The following C13orf46 variants were observed in gnomAD, a reference collection of about 807,000 sequenced individuals.
C13orf46 encodes uncharacterized protein C13orf46.
intron 6 of C13orf46, among the ~76,000 whole-genome samples, chr13:113,959,906 C>G (rs1172181904): frequency 3.3e-5 from 5 of 152,156 alleles, no homozygotes; most frequent in African/African-American, 9.7e-5. Context: ...GAAAAGAATT[C>G]TGTGTGTAAG....
chr13:113,952,997 C>T (rs2052495508), downstream of C13orf46, among the ~76,000 whole-genome samples: 1 of 152,338 alleles, frequency 6.6e-6, no homozygotes, highest in South Asian at 2.1e-4. Flanking sequence ...CTGCTCCCCA[C>T]AGTCTCCAAA....
rs1158505932 is a variant in C13orf46, at chr13:113,965,852, T to C, written c.505-858A>G. ...ATAATGGTGATGGTGATGATGGTGATGGTGGTGATGATGGTGATGGTGATG... is the reference window on the plus strand; with the variant it reads ...ATAATGGTGATGGTGATGATGGTGACGGTGGTGATGATGGTGATGGTGATG... On this transcript the variant is annotated intron_variant, in intron 5 of 6. Coordinates refer to ENST00000636427, the MANE Select transcript of C13orf46 (RefSeq NM_001365455.2). Among the ~76,000 whole-genome samples, 15 of 127,916 alleles carry C rather than the reference T, an allele frequency of 1.2e-4. 1 individual carries two copies. The highest frequency in any genetic ancestry group is 1.1e-3 in the Admixed American group (15 of 13,770). 83.9% of individuals were successfully genotyped at this position (127,916 alleles called of 152,430 possible).
intron 6 of C13orf46, among the ~76,000 whole-genome samples, chr13:113,959,441 G>C (rs951791704): frequency 6.6e-6 from 1 of 152,172 alleles, no homozygotes; most frequent in Non-Finnish European, 1.5e-5. Context: ...GGTTGAGCAG[G>C]TGCTTCCCCT....
chr13:113,932,107 G>A, the C13orf46 span, among the ~76,000 whole-genome samples: 1 of 152,194 alleles, frequency 6.6e-6, no homozygotes, highest in East Asian at 1.9e-4. Flanking sequence ...TCCTTTCAAT[G>A]CTGGGGAGCA....
At chr13:113,962,478 C>T (rs1297734808) in intron 6 of C13orf46, among the ~76,000 whole-genome samples, 1 of 152,232 alleles carries the variant, frequency 6.6e-6, no homozygotes, top group African/African-American at 2.4e-5. Context: ...TGAGCTGATG[C>T]CCATTCATTA....
At chr13:113,965,119 C>T (rs1369894750) in intron 5 of C13orf46, 125 bp from the exon 6 acceptor site, 5 of 152,194 alleles carry the variant, frequency 3.3e-5, no homozygotes, top group Admixed American at 3.3e-4. Context: ...TCAGACAGGG[C>T]TCTCTATTGA....
chr13:113,951,996 G>A (rs1402560171), downstream of C13orf46, among the ~76,000 whole-genome samples: 2 of 152,238 alleles, frequency 1.3e-5, no homozygotes, highest in Non-Finnish European at 2.9e-5. Context: ...ATGGTCCCGT[G>A]TGTGGGCATC....
downstream of C13orf46, among the ~76,000 whole-genome samples, chr13:113,951,437 G>T (rs1199762985): frequency 1.3e-5 from 2 of 152,166 alleles, no homozygotes; most frequent in Non-Finnish European, 2.9e-5. Context: ...CTTTGGCCTC[G>T]GCTCTGCCCG....
At chr13:113,940,448 C>T in the C13orf46 span, among the ~76,000 whole-genome samples, 28 of 151,348 alleles carry the variant, frequency 1.9e-4, no homozygotes, top group East Asian at 5.2e-3. Flanking sequence ...GCGTCTGGGA[C>T]CCTGGTCTCC....
chr13:113,973,364 CA>C (rs2052728851), intron 1 of C13orf46, among the ~76,000 whole-genome samples: 1 of 152,164 alleles, frequency 6.6e-6, no homozygotes, highest in Non-Finnish European at 1.5e-5. Context: ...GTGTGTCCGA[CA>C]GCTCCCTCTG....
chr13:113,959,830 C>G (rs1218078302), intron 6 of C13orf46, among the ~76,000 whole-genome samples: 1 of 152,184 alleles, frequency 6.6e-6, no homozygotes, highest in Admixed American at 6.5e-5. Context: ...TAGGACAAAG[C>G]ACAAAGTCCA....
the C13orf46 span, among the ~76,000 whole-genome samples, chr13:113,941,784 G>A: frequency 5.3e-5 from 8 of 152,206 alleles, no homozygotes; most frequent in Non-Finnish European, 1.2e-4. Flanking sequence ...CTGGCCTGGA[G>A]GACCTGCCTG....
the C13orf46 span, among the ~76,000 whole-genome samples, chr13:113,934,251 G>A: frequency 9.2e-5 from 14 of 152,358 alleles, no homozygotes; most frequent in Middle Eastern, 3.4e-3. Context: ...ACAGACAATG[G>A]GGCTGTTCCC....
chr13:113,931,883 A>T, the C13orf46 span, among the ~76,000 whole-genome samples: 1 of 152,044 alleles, frequency 6.6e-6, no homozygotes, highest in East Asian at 1.9e-4. Flanking sequence ...ATTCTGCTGC[A>T]CCCACAGAGC....
At chr13:113,961,109 CT>C (rs1245360860) in intron 6 of C13orf46, among the ~76,000 whole-genome samples, 1 of 152,120 alleles carries the variant, frequency 6.6e-6, no homozygotes, top group Non-Finnish European at 1.5e-5. Context: ...TGTTTTGAAC[CT>C]TTTGACATCT....
chr13:113,957,694 T>G (rs1464655323), intron 6 of C13orf46, among the ~76,000 whole-genome samples: 1 of 132,426 alleles, frequency 7.6e-6, no homozygotes, highest in Non-Finnish European at 1.6e-5. Flanking sequence ...GCACTCCACA[T>G]GTACCCCCTT....
At chr13:113,945,646 AAG>A in the C13orf46 span, among the ~76,000 whole-genome samples, 2 of 138,112 alleles carry the variant, frequency 1.4e-5, no homozygotes. Flanking sequence ...GAAAGAAAGA[AAG>A]AAAGAAAGAA....
chr13:113,963,109 T>C (rs2052600433), intron 6 of C13orf46, among the ~76,000 whole-genome samples: 1 of 152,172 alleles, frequency 6.6e-6, no homozygotes, highest in African/African-American at 2.4e-5. Context: ...GCTGCAGCTC[T>C]CAAAGCTGGC....
At chr13:113,965,820 G>A (rs1463571900) in intron 5 of C13orf46, among the ~76,000 whole-genome samples, 2 of 139,324 alleles carry the variant, frequency 1.4e-5, no homozygotes, top group Non-Finnish European at 3.1e-5. Flanking sequence ...TGAAGGTGAT[G>A]ATGGTGATAA....
Sources: allele counts gnomAD v4.1 joint callset (sites outside exome capture counted in the v4.1 genomes callset), GRCh38; gene constraint gnomAD v4.1.1; transcripts MANE v1.5; gene names NCBI Gene and HGNC (gene_info 2026-07-23, HGNC 2026-07-21).